Variants in NTM observed in about 807,000 individuals in gnomAD.
NTM encodes the protein neurotrimin.
A neutral mutation model predicts 42.1 loss-of-function variants in NTM; 13 were observed. The observed-to-expected ratio is 0.31, with a 90% CI of 0.20 to 0.49. NTM has a LOEUF of 0.49. Ranked by LOEUF, NTM falls within the 20% of genes least tolerant of loss-of-function variation. The pLI is 0.99. For synonymous variants in NTM, 187 were observed against 179.2 expected (o/e 1.04, Z -0.35); for missense variants, 373 against 452.8 (o/e 0.82, Z 1.60).
intron 1 of NTM, chr11:131,910,194 A>G (rs1334765998): frequency 2.6e-5 from 4 of 152,150 alleles, no homozygotes; most frequent in African/African-American, 9.7e-5. Context: ...CTTCTAAAAC[A>G]TCCTCCGAAC....
At chr11:131,954,468 A>G (rs77455696) in intron 2 of NTM, among the ~76,000 whole-genome samples, 5,329 of 152,230 alleles carry the variant, frequency 0.035, 325 homozygotes, top group African/African-American at 0.12. Flanking sequence ...CTGGGTCCAC[A>G]TTAGGCCGAC....
chr11:131,563,560 C>T (rs2137018546), intron 1 of NTM, among the ~76,000 whole-genome samples: 1 of 147,506 alleles, frequency 6.8e-6, no homozygotes, highest in East Asian at 2.0e-4. Flanking sequence ...TTCTATTTCT[C>T]CTGTGACAGC....
At chr11:132,137,385 C>G (rs1408764119) in intron 2 of NTM, among the ~76,000 whole-genome samples, 1 of 152,226 alleles carries the variant, frequency 6.6e-6, no homozygotes, top group Admixed American at 6.5e-5. Context: ...CTCAAGTGTG[C>G]TACCATCTAT....
At chr11:131,582,528 T>C (rs1474651346) in intron 1 of NTM, 1 of 147,346 alleles carries the variant, frequency 6.8e-6, no homozygotes, top group Non-Finnish European at 1.5e-5. Context: ...TTACCACTTA[T>C]TAGTTTTTAT....
chr11:131,697,422 G>A (rs188679338), intron 1 of NTM, among the ~76,000 whole-genome samples: 68 of 152,240 alleles, frequency 4.5e-4, no homozygotes, highest in Middle Eastern at 3.4e-3. Flanking sequence ...AGGACCTTTG[G>A]TAACCTTGGA....
intron 3 of NTM, among the ~76,000 whole-genome samples, chr11:132,172,801 ATT>A (rs2076289896): frequency 6.6e-6 from 1 of 152,216 alleles, no homozygotes; most frequent in African/African-American, 2.4e-5. Context: ...GGACATGATC[ATT>A]TGTGCTGGAA....
chr11:131,737,519 T>A (rs113694668), intron 1 of NTM, among the ~76,000 whole-genome samples: 4 of 152,344 alleles, frequency 2.6e-5, no homozygotes, highest in African/African-American at 9.6e-5. Flanking sequence ...TTCGGCATTT[T>A]CTTATTTGTT....
At chr11:132,077,811 T>A (rs1009581682) in intron 2 of NTM, among the ~76,000 whole-genome samples, 1 of 152,188 alleles carries the variant, frequency 6.6e-6, no homozygotes, top group Non-Finnish European at 1.5e-5. Context: ...TTGTTGCCCA[T>A]GCTGGTCTCA....
intron 2 of NTM, among the ~76,000 whole-genome samples, chr11:132,033,032 A>G (rs1407045743): frequency 6.6e-6 from 1 of 152,212 alleles, no homozygotes; most frequent in Non-Finnish European, 1.5e-5. Flanking sequence ...AGGCTCAGAT[A>G]CAGCCATATA....
At chr11:132,238,959 A>G (rs2089645184) in intron 4 of NTM, among the ~76,000 whole-genome samples, 1 of 152,218 alleles carries the variant, frequency 6.6e-6, no homozygotes, top group African/African-American at 2.4e-5. Context: ...GCAGTCTAAT[A>G]AAACAGCAGC....
At position 132,003,633 on chromosome 11, in the gene NTM, T is replaced by C. The variant is rs2069948250; in HGVS notation, c.167+91985T>C. Among the ~76,000 whole-genome samples, 1 of 152,152 alleles carries C rather than the reference T, an allele frequency of 6.6e-6. No homozygotes were observed. The highest frequency in any genetic ancestry group is 2.4e-5 in the African/African-American group (1 of 41,432). On this transcript the variant is annotated intron_variant, in intron 2 of 8. Coordinates refer to ENST00000683400, the MANE Select transcript of NTM (RefSeq NM_001352005.2). This position sits in a 1 kb window ranked among gnomAD's most constrained non-coding sequence, Gnocchi z 6.0. ...TTTGAGAATGTGCTTTCAGCTCAGCTCTGTTGTTCACTCAAGAAGAAAAGG... is the reference window on the plus strand; with the variant it reads ...TTTGAGAATGTGCTTTCAGCTCAGCCCTGTTGTTCACTCAAGAAGAAAAGG...
chr11:132,154,832 T>C (rs1055977187), intron 3 of NTM, among the ~76,000 whole-genome samples: 1 of 152,240 alleles, frequency 6.6e-6, no homozygotes, highest in African/African-American at 2.4e-5. Flanking sequence ...GTATGAAATC[T>C]AATTGGCTTC....
chr11:131,888,302 A>AAAAAAC (rs2050713151), intron 1 of NTM, among the ~76,000 whole-genome samples: 1 of 152,130 alleles, frequency 6.6e-6, no homozygotes, highest in Non-Finnish European at 1.5e-5. Flanking sequence ...CTCGATCTCA[A>AAAAAAC]AAAAACAAAA....
intron 1 of NTM, among the ~76,000 whole-genome samples, chr11:131,380,138 T>A (rs1942470341): frequency 6.6e-6 from 1 of 151,998 alleles, no homozygotes; most frequent in African/African-American, 2.4e-5. Flanking sequence ...GGCCCTACCC[T>A]GCCCCTCTCT....
At chr11:131,921,233 G>C (rs2057178397) in intron 2 of NTM, among the ~76,000 whole-genome samples, 1 of 152,166 alleles carries the variant, frequency 6.6e-6, no homozygotes, top group Admixed American at 6.5e-5. Context: ...AATTAGCTAA[G>C]GTGAGGTCAT....
chr11:131,651,275 C>T (rs995710074), intron 1 of NTM, among the ~76,000 whole-genome samples: 2 of 152,218 alleles, frequency 1.3e-5, no homozygotes, highest in African/African-American at 4.8e-5. Context: ...ATTTAACACA[C>T]AGTAAGCACC....
At chr11:132,085,387 T>C (rs899951812) in intron 2 of NTM, among the ~76,000 whole-genome samples, 3 of 152,202 alleles carry the variant, frequency 2.0e-5, no homozygotes, top group African/African-American at 7.2e-5. Context: ...GTGTGGTTAA[T>C]TCCATATATC....
chr11:131,848,776 G>A (rs1158054186), intron 1 of NTM, among the ~76,000 whole-genome samples: 6 of 152,142 alleles, frequency 3.9e-5, no homozygotes, highest in African/African-American at 1.4e-4. Context: ...AAATATCAGA[G>A]CCAGAACTAA....
intron 1 of NTM, among the ~76,000 whole-genome samples, chr11:131,738,140 G>C (rs528134655): frequency 6.6e-6 from 1 of 152,240 alleles, no homozygotes; most frequent in South Asian, 2.1e-4. Flanking sequence ...ATGGATGGCC[G>C]GGGCCAGCCC....
Sources: allele counts gnomAD v4.1 joint callset (sites outside exome capture counted in the v4.1 genomes callset), GRCh38; gene constraint gnomAD v4.1.1; non-coding constraint Gnocchi (gnomAD v3.1); transcripts MANE v1.5; gene names NCBI Gene and HGNC (gene_info 2026-07-23, HGNC 2026-07-21).